The following ELAC2 variants were observed in gnomAD, a reference collection of about 807,000 sequenced individuals.
ELAC2 encodes the protein elaC ribonuclease Z 2.
In ELAC2, 92 loss-of-function variants were observed where a neutral mutation model predicts 105.2. That is an observed-to-expected ratio of 0.87 (90% CI 0.74 to 1.04). The LOEUF (loss-of-function observed/expected upper bound fraction) is 1.04. ELAC2 is among the 50% of genes least tolerant of loss of function. The pLI is 0.00. For missense variants in ELAC2, 1,099 were observed against 1,071.7 expected, an observed-to-expected ratio of 1.03 and a Z score of -0.36; for synonymous variants, 468 against 409.1, an observed-to-expected ratio of 1.14 and a Z score of -1.74.
intron 11 of ELAC2, among the ~76,000 whole-genome samples, chr17:13,004,710 G>C (rs1050036848): frequency 1.3e-5 from 2 of 152,146 alleles, no homozygotes; most frequent in Admixed American, 1.3e-4. Flanking sequence ...ATTCAAAAAA[G>C]TTCTAGAATT....
chr17:12,992,946 G>A lies in ELAC2; in HGVS notation c.2353C>T (p.Arg785Trp), dbSNP rs1060502162. 3.7e-6 allele frequency: 6 copies of A among 1,611,072 alleles called. No individual in the cohort carries two copies. The highest frequency in any genetic ancestry group is 5.1e-6 in the Non-Finnish European group (6 of 1,180,024). The change falls in exon 24 of 24, where the codon CGG becomes TGG. Residue 785 changes from arginine to tryptophan, a missense_variant. By Grantham distance (101) the Arg-to-Trp change is moderately radical. Transcript: ENST00000338034. ...GCCGCCCGCACCTGCCGCAGCTCCC[G>A]CTTCTCCCTGCGCTCCTCCATCTCC... ...IEEMEERREK[R>W]ELRQVRAALL...
Position 13,009,571 on chromosome 17 carries a change from G to A in ELAC2, c.738+1042C>T, listed in dbSNP as rs1043911937. On this transcript the variant is annotated intron_variant, in intron 8 of 23. Coordinates refer to ENST00000338034, the MANE Select transcript of ELAC2 (RefSeq NM_018127.7). ...CTGGTGTTAGACCTTAGCTATTGCA[G>A]GGGAATGAAATAAAGTAAAACAGAG... Among the ~76,000 whole-genome samples the A allele has an allele frequency of 4.0e-5, 6 of 151,760 alleles. No individual in the cohort carries two copies. In the South Asian group the frequency reaches 1.0e-3, roughly 26 times the overall value.
chr17:12,998,438 A>G lies in ELAC2; in HGVS notation c.1494T>C (p.Asn498=). The G allele has an allele frequency of 6.2e-7, 1 of 1,614,212 alleles. No individual in the cohort carries two copies. Among genetic ancestry groups the G allele is most frequent in the Non-Finnish European group, 8.5e-7 (1 of 1,180,016 alleles). Reference sequence around the variant, plus strand: ...TTATGTTGACAAGTGTGGCACTGACATTTCGAATCTTCATCGGGATGGCAG... The same window carrying G: ...TTATGTTGACAAGTGTGGCACTGACGTTTCGAATCTTCATCGGGATGGCAG... ...TGSAIPMKIR[N]VSATLVNISP... Residue 498 remains asparagine (N), a synonymous_variant, in exon 16 of 24, where the codon AAT becomes AAC. Transcript: ENST00000338034.
chr17:13,016,627 A>T (rs2041737755), intron 3 of ELAC2, among the ~76,000 whole-genome samples: 1 of 152,046 alleles, frequency 6.6e-6, no homozygotes, highest in Non-Finnish European at 1.5e-5. Context: ...ACATACAAAA[A>T]AAATTAGCCA....
chr17:13,006,285 G>A, intron 8 of ELAC2: 4 of 387,178 alleles, frequency 1.0e-5, no homozygotes, highest in South Asian at 9.1e-5. Context: ...CAGGAGAATC[G>A]CTTGAACCCA....
chr17:12,997,804 A>G (rs2040551191), intron 16 of ELAC2, among the ~76,000 whole-genome samples: 4 of 152,238 alleles, frequency 2.6e-5, no homozygotes, highest in Admixed American at 1.3e-4. Context: ...ATCTGTAGAG[A>G]TAACGTGTAC....
chr17:13,014,539 G>A lies in ELAC2; in HGVS notation c.433-43C>T, dbSNP rs56004910. On this transcript the variant is annotated intron_variant, in intron 4 of 23. Coordinates refer to ENST00000338034, the MANE Select transcript of ELAC2 (RefSeq NM_018127.7). ...AATGAGCAGTTATGGTTGAACAAAT[G>A]TAGAACACAGCAACTATTCAAGTAT... The A allele has an allele frequency of 0.11, 156,591 of 1,378,244 alleles. 9,911 individuals carry two copies. Among genetic ancestry groups the A allele is most frequent in the Middle Eastern group, 0.2 (1,142 of 5,644 alleles). The allele number at this position is 1,378,244 out of a possible 1,614,324, so 85.4% of individuals were successfully genotyped here.
Position 13,002,407 on chromosome 17 carries a change from G to A in ELAC2, c.1218+34C>T, listed in dbSNP as rs369258410. 6 of 1,613,984 alleles carry A rather than the reference G, an allele frequency of 3.7e-6. No individual in the cohort carries two copies. The Admixed American group carries it at 5.0e-5, about 13-fold the overall frequency. ...ATGGAGAGAAAGAGAGGGGACGAGA[G>A]CTGGGCCGACAAGGGGCCGGTCTGA... On this transcript the variant is annotated intron_variant, in intron 13 of 23. Coordinates refer to ENST00000338034, the MANE Select transcript of ELAC2 (RefSeq NM_018127.7).
At chr17:13,008,477 A>G (rs1001997957) in intron 8 of ELAC2, among the ~76,000 whole-genome samples, 1 of 151,912 alleles carries the variant, frequency 6.6e-6, no homozygotes, top group African/African-American at 2.4e-5. Flanking sequence ...GCACCACTGC[A>G]CTCCAGCCTG....
Position 12,996,833 on chromosome 17 carries a change from A to T in ELAC2, c.1521-148T>A, listed in dbSNP as rs1313548636. 4.5e-6 allele frequency: 5 copies of T among 1,113,700 alleles called. No individual in the cohort carries two copies. In the East Asian group the frequency reaches 1.3e-4, roughly 29 times the overall value. The allele number at this position is 1,113,700 out of a possible 1,614,324, so 69.0% of individuals were successfully genotyped here. On this transcript the variant is annotated intron_variant, in intron 16 of 23. Transcript: ENST00000338034. ...CTTTGAGGAGCTAATATAAAAGCCA[A>T]TTAATTTAACCATAAAGGTGATTTT...
intron 16 of ELAC2, among the ~76,000 whole-genome samples, chr17:12,997,439 T>A (rs2040531846): frequency 6.6e-6 from 1 of 152,118 alleles, no homozygotes; most frequent in Non-Finnish European, 1.5e-5. Context: ...CATTACCTTC[T>A]GGGGGAAAAA....
Position 12,992,363 on chromosome 17 carries a change from CAGCAGG to C in ELAC2, c.*449_*454del. 1 of 52,308 alleles carries C rather than the reference CAGCAGG, an allele frequency of 1.9e-5. No homozygotes were observed. The highest frequency in any genetic ancestry group is 4.2e-5 in the Non-Finnish European group (1 of 24,010). The allele number at this position is 52,308 out of a possible 1,614,324, so 3.2% of individuals were successfully genotyped here. A position where few individuals can be genotyped will look rare whatever the true frequency, so the allele number is the denominator to read the frequency against. On this transcript the variant is annotated 3_prime_UTR_variant, in exon 24 of 24. Transcript: ENST00000338034. ...CACAGCAGACCCTGCTCTGTAGCAG[CAGCAGG>C]AGGAAGCAAAAGAACTCACAATTGC...
intron 16 of ELAC2, among the ~76,000 whole-genome samples, chr17:12,997,199 C>T (rs533159355): frequency 1.3e-5 from 2 of 152,266 alleles, no homozygotes; most frequent in Admixed American, 6.5e-5. Flanking sequence ...AGCCAGTTAA[C>T]GCAGACTCCC....
chr17:13,005,911 C>CT lies in ELAC2; in HGVS notation c.797+9_797+10insA. On this transcript the variant is annotated intron_variant, in intron 9 of 23. Coordinates refer to ENST00000338034, the MANE Select transcript of ELAC2 (RefSeq NM_018127.7). ...AGTGAGTCCCCAGAAGCCTTACCCC[C>CT]CACACTCACACTGGGAGGCCCATCT... 1.2e-6 allele frequency: 2 copies of CT among 1,614,134 alleles called. No individual in the cohort carries two copies. Among genetic ancestry groups the CT allele is most frequent in the African/African-American group, 1.3e-5 (1 of 75,020 alleles).
rs61470229 is a variant in ELAC2 at position 12,991,868 on chromosome 17, C to CTT, written c.*948_*949dup. 2.4e-5 allele frequency among the ~76,000 whole-genome samples: 3 copies of CTT among 126,174 alleles called. No homozygotes were observed. Among genetic ancestry groups the CTT allele is most frequent in the African/African-American group, 7.7e-5 (3 of 38,896 alleles). The allele number at this position is 126,174 out of a possible 152,430, so 82.8% of individuals were successfully genotyped here. A position where few individuals can be genotyped will look rare whatever the true frequency, so the allele number is the denominator to read the frequency against. On this transcript the variant is annotated 3_prime_UTR_variant, in exon 24 of 24. Transcript: ENST00000338034. ...TTCAACTTACTTACTTACTTACTTA[C>CTT]TTTACTTACTTACTTCCTTGGAAAA...
chr17:13,015,927 T>G (rs556931657), intron 3 of ELAC2, 95 bp from the exon 4 acceptor site: 3 of 945,152 alleles, frequency 3.2e-6, no homozygotes, highest in African/African-American at 3.2e-5. Flanking sequence ...TTTATCTACA[T>G]CTCCACCTTC....
At position 13,002,438 on chromosome 17, in the gene ELAC2, T is replaced by G. The variant is rs1404593372; in HGVS notation, c.1218+3A>C. 2 of 1,613,380 alleles carry G rather than the reference T, an allele frequency of 1.2e-6. No individual in the cohort carries two copies. Among genetic ancestry groups the G allele is most frequent in the South Asian group, 1.1e-5 (1 of 90,902 alleles). ...CCGACAAGGGGCCGGTCTGAGACAC[T>G]ACCTTACAGCGGAAACTGGTGAGCA... On this transcript the variant is annotated splice_donor_region_variant and intron_variant, in intron 13 of 23. Transcript: ENST00000338034.
chr17:13,016,995 A>C, intron 2 of ELAC2, 63 bp from the exon 3 acceptor site: 1 of 1,612,848 alleles, frequency 6.2e-7, no homozygotes. Context: ...TTTTGCTATA[A>C]AAAACAACTG....
chr17:13,015,874 C>G (rs746270476), intron 3 of ELAC2, 42 bp from the exon 4 acceptor site: 1 of 1,507,944 alleles, frequency 6.6e-7, no homozygotes, highest in Non-Finnish European at 9.2e-7. Context: ...TCAATTTGAC[C>G]TGTCGTCACT....
Sources: allele counts gnomAD v4.1 joint callset (sites outside exome capture counted in the v4.1 genomes callset), GRCh38; gene constraint gnomAD v4.1.1; transcripts MANE v1.5; gene names NCBI Gene and HGNC (gene_info 2026-07-23, HGNC 2026-07-21).